FYCO1: variants seen among roughly 807,000 people sequenced by gnomAD.
FYCO1 encodes FYVE and coiled-coil domain-containing protein 1.
Under a neutral mutation model 165.1 loss-of-function variants are expected in FYCO1, and 122 were observed. The observed-to-expected ratio is 0.74, with a 90% CI of 0.64 to 0.86. The LOEUF is 0.86. Among genes scored for constraint, FYCO1 ranks in the 40% least tolerant of loss-of-function variants. The pLI is 0.00. For missense variants in FYCO1, 1,702 were observed against 1,810.3 expected, an observed-to-expected ratio of 0.94 and a Z score of 1.09; for synonymous variants, 648 against 742.5, an observed-to-expected ratio of 0.87 and a Z score of 2.07.
chr3:45,974,584 C>T (rs903169119), intron 5 of FYCO1, among the ~76,000 whole-genome samples: 1 of 152,080 alleles, frequency 6.6e-6, no homozygotes, highest in Non-Finnish European at 1.5e-5. Context: ...ATTTGGAATA[C>T]TCCAAAAGGA....
intron 6 of FYCO1, among the ~76,000 whole-genome samples, chr3:45,970,565 C>T (rs1575375171): frequency 6.6e-6 from 1 of 152,160 alleles, no homozygotes; most frequent in Non-Finnish European, 1.5e-5. Flanking sequence ...ATTCTCTACA[C>T]CATGGGTTGG....
intron 10 of FYCO1, among the ~76,000 whole-genome samples, chr3:45,963,628 A>T (rs959745815): frequency 6.6e-6 from 1 of 151,462 alleles, no homozygotes; most frequent in African/African-American, 2.4e-5. Flanking sequence ...GATTCCAGCA[A>T]CTCCTCCTCC....
rs184758425 is a variant in FYCO1, at chr3:45,964,099, T to C, written c.3269+237A>G. ...GCAGTTACTGAAGTATGATATGCAC[T>C]GCCAGAGAGAAGAAAATTGAGTTAG... is the stretch of plus-strand genomic sequence containing the variant. On this transcript the variant is annotated intron_variant, in intron 10 of 17. Coordinates refer to ENST00000296137, the MANE Select transcript of FYCO1 (RefSeq NM_024513.4). The surrounding 1 kb of genome is among the most constrained non-coding windows in gnomAD (Gnocchi z 4.1). 6.6e-6 allele frequency among the ~76,000 whole-genome samples: 1 copy of C among 152,350 alleles called. No homozygotes were observed. The highest frequency in any genetic ancestry group is 6.5e-5 in the Admixed American group (1 of 15,310).
At chr3:45,923,906 A>G in intron 16 of FYCO1, 141 bp from the exon 17 acceptor site, 1 of 700,236 alleles carries the variant, frequency 1.4e-6, no homozygotes, top group South Asian at 1.5e-5. Context: ...AGCTGTGACC[A>G]GCCCCAGTAG....
intron 15 of FYCO1, among the ~76,000 whole-genome samples, chr3:45,931,980 G>A (rs186160507): frequency 1.4e-4 from 21 of 152,320 alleles, no homozygotes; most frequent in African/African-American, 4.8e-4. Context: ...CTCTGTTTTT[G>A]GGGTTCTGTG....
chr3:45,960,513 A>T (rs4682800), intron 11 of FYCO1, among the ~76,000 whole-genome samples: 1 of 151,994 alleles, frequency 6.6e-6, no homozygotes, highest in Non-Finnish European at 1.5e-5. Flanking sequence ...GGTCCACCCA[A>T]ACTTTGGGAA....
At position 45,962,019 on chromosome 3, in the gene FYCO1, G is replaced by A. The variant is rs560375587; in HGVS notation, c.3437+206C>T. On this transcript the variant is annotated intron_variant, in intron 11 of 17. Coordinates refer to ENST00000296137, the MANE Select transcript of FYCO1 (RefSeq NM_024513.4). The surrounding 1 kb of genome is among the most constrained non-coding windows in gnomAD (Gnocchi z 4.4). ...CCCCTCCTGATACAAGCTTCCACTT[G>A]TATCAGCTGCCTGGTACCTGCAGGC... Among the ~76,000 whole-genome samples the A allele has an allele frequency of 6.6e-6, 1 of 152,302 alleles. No homozygotes were observed. The highest frequency in any genetic ancestry group is 2.1e-4 in the South Asian group (1 of 4,830).
Position 45,931,176 on chromosome 3 carries a change from G to A in FYCO1, c.4146C>T (p.Ala1382=), listed in dbSNP as rs34068905. The A allele has an allele frequency of 1.8e-3, 2,864 of 1,614,080 alleles. 47 individuals are homozygous for A. The African/African-American group carries it at 0.03, about 17-fold the overall frequency. Reference sequence around the variant, plus strand: ...CCCAGCTGATGGTGAGGCCTGCCTCGGCCACAGTGATGGGGATCAGGCTGT... The same window carrying A: ...CCCAGCTGATGGTGAGGCCTGCCTCAGCCACAGTGATGGGGATCAGGCTGT... The part of the protein sequence containing the change: ...STYSLIPITV[A]EAGLTISWVF... Residue 1382 remains alanine, a synonymous_variant, in exon 16 of 18, where the codon GCC becomes GCT. Coordinates refer to ENST00000296137, the MANE Select transcript of FYCO1 (RefSeq NM_024513.4).
chr3:45,941,288 AG>A (rs1371754212), intron 14 of FYCO1: 1 of 152,234 alleles, frequency 6.6e-6, no homozygotes, highest in Non-Finnish European at 1.5e-5. Flanking sequence ...CAGCTCTGCC[AG>A]GTCTTCAGGT....
At chr3:45,973,757 A>G (rs1396220077) in intron 5 of FYCO1, among the ~76,000 whole-genome samples, 1 of 152,212 alleles carries the variant, frequency 6.6e-6, no homozygotes, top group Non-Finnish European at 1.5e-5. Context: ...GCAAAGTAAC[A>G]AGAATTTTAA....
chr3:45,938,920 C>T (rs191422154), intron 14 of FYCO1, among the ~76,000 whole-genome samples: 2 of 152,340 alleles, frequency 1.3e-5, no homozygotes, highest in Non-Finnish European at 2.9e-5. Context: ...GATGTAAGAG[C>T]TTGAGAAAGG....
rs764588619 is a variant in FYCO1, at chr3:45,966,241, G to A, written c.3057+36C>T. 3 of 1,607,250 alleles carry A rather than the reference G, an allele frequency of 1.9e-6. No individual in the cohort carries two copies. In the South Asian group the frequency reaches 3.3e-5, roughly 18 times the overall value. ...TGGACCCACCAGGCCTGCCCAGGGA[G>A]AGGGGTAGAGCCCAAGTGGTTGAAG... On this transcript the variant is annotated intron_variant, in intron 8 of 17. Coordinates refer to ENST00000296137, the MANE Select transcript of FYCO1 (RefSeq NM_024513.4).
At position 45,962,173 on chromosome 3, in the gene FYCO1, AAAAACCCCAGTGTGGGG is replaced by A; in HGVS notation, c.3437+35_3437+51del. 1 of 1,592,894 alleles carries A rather than the reference AAAAACCCCAGTGTGGGG, an allele frequency of 6.3e-7. No individual in the cohort carries two copies. On this transcript the variant is annotated intron_variant, in intron 11 of 17. Coordinates refer to ENST00000296137, the MANE Select transcript of FYCO1 (RefSeq NM_024513.4). This position sits in a 1 kb window ranked among gnomAD's most constrained non-coding sequence, Gnocchi z 4.4. Reference sequence around the variant, plus strand: ...CAAGAACAGCTGCATTTCTTTAGAGAAAAACCCCAGTGTGGGGAAAACCCCAGCTGCTGGTTTGACAC... The same window carrying A: ...CAAGAACAGCTGCATTTCTTTAGAGAAAAACCCCAGCTGCTGGTTTGACAC...
chr3:45,942,280 C>T (rs1704275129), intron 14 of FYCO1, among the ~76,000 whole-genome samples: 1 of 152,228 alleles, frequency 6.6e-6, no homozygotes. Context: ...TCTCTCTAAT[C>T]TTCTGTTTGC....
chr3:45,961,522 G>C (rs1705696422), intron 11 of FYCO1, among the ~76,000 whole-genome samples: 1 of 151,598 alleles, frequency 6.6e-6, no homozygotes, highest in African/African-American at 2.4e-5. Context: ...AGGTTGCAGT[G>C]AGCCAAGATC....
chr3:45,965,105 C>T lies in FYCO1; in HGVS notation c.3078G>A (p.Lys1026=). The T allele has an allele frequency of 6.2e-7, 1 of 1,614,020 alleles. No individual in the cohort carries two copies. The highest frequency in any genetic ancestry group is 1.3e-5 in the African/African-American group (1 of 75,024). The change falls in exon 9 of 18, where the codon AAG becomes AAA. Residue 1026 remains lysine (K), a synonymous_variant. Coordinates refer to ENST00000296137, the MANE Select transcript of FYCO1 (RefSeq NM_024513.4). ...SRLKNAGEEC[K]SLRGQLEEQG... is the part of the protein sequence containing the mutation. ...GCTCCTCAAGCTGGCCCCTGAGGCTCTTGCACTCTTCACCAGCATTCTAGA... is the reference window on the plus strand; with the variant it reads ...GCTCCTCAAGCTGGCCCCTGAGGCTTTTGCACTCTTCACCAGCATTCTAGA...
chr3:45,943,538 C>G (rs983400643), intron 14 of FYCO1: 4 of 152,212 alleles, frequency 2.6e-5, no homozygotes, highest in African/African-American at 9.7e-5. Flanking sequence ...AGCATCTCTG[C>G]TGGTGAGTCA....
chr3:45,947,734 C>A lies in FYCO1; in HGVS notation c.3944+7515G>T, dbSNP rs905731563. 18 of 545,356 alleles carry A rather than the reference C, an allele frequency of 3.3e-5. No individual in the cohort carries two copies. The African/African-American group carries it at 3.4e-4, about 10-fold the overall frequency. 33.8% of individuals were successfully genotyped at this position (545,356 alleles called of 1,614,324 possible). ...GTAGGGGGTCTAAAATTTTTAAGGACTTTCCTTCCTCCATCTCCAAGAATG... is the reference window on the plus strand; with the variant it reads ...GTAGGGGGTCTAAAATTTTTAAGGAATTTCCTTCCTCCATCTCCAAGAATG... On this transcript the variant is annotated intron_variant, in intron 14 of 17. Transcript: ENST00000296137.
chr3:45,979,836 T>C lies in FYCO1; in HGVS notation c.163-6A>G, dbSNP rs1485884470. 6 of 1,613,528 alleles carry C rather than the reference T, an allele frequency of 3.7e-6. No individual in the cohort carries two copies. In the East Asian group the frequency reaches 6.7e-5, roughly 18 times the overall value. On this transcript the variant is annotated splice_region_variant and splice_polypyrimidine_tract_variant and intron_variant, in intron 3 of 17. Coordinates refer to ENST00000296137, the MANE Select transcript of FYCO1 (RefSeq NM_024513.4). Reference sequence around the variant, plus strand: ...GCCTTCTCTTTCTGATCAAACTGGGTAGGGAAAGGGAAAGGGAGAGGAGGT... The same window carrying C: ...GCCTTCTCTTTCTGATCAAACTGGGCAGGGAAAGGGAAAGGGAGAGGAGGT...
Sources: gnomAD v4.1 joint callset for allele counts (sites outside exome capture counted in the v4.1 genomes callset) on GRCh38, gnomAD v4.1.1 for gene constraint, Gnocchi (gnomAD v3.1) non-coding constraint, MANE v1.5 for transcripts, NCBI Gene and HGNC (gene_info 2026-07-23, HGNC 2026-07-21) for gene names.